ARB2A: variants seen among roughly 807,000 people sequenced by gnomAD.
ARB2A encodes ARB2 cotranscriptional regulator A, also known as cotranscriptional regulator ARB2A.
chr5:94,111,153 T>C, the ARB2A span, among the ~76,000 whole-genome samples: 3 of 152,026 alleles, frequency 2.0e-5, no homozygotes, highest in African/African-American at 7.3e-5. Context: ...TAATACTTTT[T>C]GTAGAAAAAA....
chr5:94,034,109 C>T, the ARB2A span, among the ~76,000 whole-genome samples: 2 of 152,188 alleles, frequency 1.3e-5, no homozygotes, highest in East Asian at 1.9e-4. Context: ...CTTGCACTTC[C>T]CAGCCTCCAG....
chr5:93,740,563 CA>C, the ARB2A span: 2 of 1,578,650 alleles, frequency 1.3e-6, no homozygotes, highest in Non-Finnish European at 1.7e-6. Flanking sequence ...CCGTGAAGGG[CA>C]AGCCCCTCAG....
At chr5:93,799,135 C>T in the ARB2A span, among the ~76,000 whole-genome samples, 1 of 152,098 alleles carries the variant, frequency 6.6e-6, no homozygotes, top group Non-Finnish European at 1.5e-5. Flanking sequence ...ATGAACATCT[C>T]AGTCATATGT....
chr5:94,055,929 T>C, the ARB2A span: 30 of 984,246 alleles, frequency 3.0e-5, no homozygotes, highest in African/African-American at 4.5e-4. Flanking sequence ...TACATCTATA[T>C]ATCACTTTAA....
the ARB2A span, among the ~76,000 whole-genome samples, chr5:93,914,352 T>C: frequency 6.6e-6 from 1 of 151,998 alleles, no homozygotes; most frequent in South Asian, 2.1e-4. Context: ...TGTAAATGTT[T>C]ATAAAGTTTA....
At chr5:93,762,085 A>G in the ARB2A span, among the ~76,000 whole-genome samples, 22 of 152,166 alleles carry the variant, frequency 1.4e-4, no homozygotes, top group African/African-American at 4.1e-4. Flanking sequence ...AGGTAGATAA[A>G]ACCACAAAGA....
chr5:94,005,562 G>T, the ARB2A span, among the ~76,000 whole-genome samples: 1 of 152,038 alleles, frequency 6.6e-6, no homozygotes, highest in Admixed American at 6.6e-5. Flanking sequence ...TTGATTTTTG[G>T]CATTTCAAAT....
the ARB2A span, among the ~76,000 whole-genome samples, chr5:93,703,493 T>C: frequency 6.6e-6 from 1 of 152,188 alleles, no homozygotes; most frequent in Non-Finnish European, 1.5e-5. Flanking sequence ...CTTCACACAT[T>C]TGTGGAAAAA....
At chr5:93,802,651 T>C in the ARB2A span, among the ~76,000 whole-genome samples, 861 of 152,222 alleles carry the variant, frequency 5.7e-3, 7 homozygotes, top group African/African-American at 0.02. Context: ...AAGATTGCTA[T>C]GTGCATTTAA....
the ARB2A span, among the ~76,000 whole-genome samples, chr5:93,654,703 CCTT>C: frequency 6.6e-5 from 10 of 152,182 alleles, no homozygotes; most frequent in South Asian, 2.1e-4. Context: ...TCAAATCCCT[CCTT>C]GTTACCTGCA....
chr5:93,828,042 T>C, the ARB2A span, among the ~76,000 whole-genome samples: 5 of 152,218 alleles, frequency 3.3e-5, no homozygotes, highest in Admixed American at 2.0e-4. Flanking sequence ...CCAGCTTTGT[T>C]CTTTTGGCAT....
chr5:93,705,609 A>ATGTGTGTGTGTGTGTGTGTGTGTG, the ARB2A span, among the ~76,000 whole-genome samples: 1 of 128,740 alleles, frequency 7.8e-6, no homozygotes. Context: ...TTGGGAAAAA[A>ATGTGTGTGTGTGTGTGTGTGTGTG]TGTGTGTGTG....
the ARB2A span, among the ~76,000 whole-genome samples, chr5:93,750,741 G>A: frequency 2.0e-5 from 3 of 151,980 alleles, no homozygotes; most frequent in Non-Finnish European, 2.9e-5. Context: ...TGCCCACGCT[G>A]GTCTCAAATT....
the ARB2A span, among the ~76,000 whole-genome samples, chr5:93,661,816 C>T: frequency 8.3e-3 from 1,266 of 152,156 alleles, 22 homozygotes; most frequent in African/African-American, 0.029. Context: ...AAATGTGTGA[C>T]ACCAAGAGAC....
the ARB2A span, among the ~76,000 whole-genome samples, chr5:93,702,792 A>G: frequency 6.6e-6 from 1 of 152,082 alleles, no homozygotes; most frequent in Admixed American, 6.6e-5. Flanking sequence ...ATTTGCATCC[A>G]TATCTATTAT....
the ARB2A span, among the ~76,000 whole-genome samples, chr5:94,084,492 C>A: frequency 6.6e-6 from 1 of 152,138 alleles, no homozygotes; most frequent in East Asian, 1.9e-4. Context: ...ATATGTAGAT[C>A]TAAGGGAATT....
At chr5:93,923,398 G>T in the ARB2A span, among the ~76,000 whole-genome samples, 1 of 152,026 alleles carries the variant, frequency 6.6e-6, no homozygotes, top group South Asian at 2.1e-4. Context: ...CTTAACTCCT[G>T]CATTTTTAAA....
the ARB2A span, among the ~76,000 whole-genome samples, chr5:94,012,009 C>T: frequency 6.9e-6 from 1 of 145,900 alleles, no homozygotes; most frequent in Non-Finnish European, 1.5e-5. Flanking sequence ...AAAGGGAAAA[C>T]CAGAGACTAG....
chr5:93,830,845 A>G, the ARB2A span, among the ~76,000 whole-genome samples: 62 of 152,092 alleles, frequency 4.1e-4, no homozygotes, highest in Non-Finnish European at 2.8e-4. Context: ...CTATTGTAAT[A>G]TATAATGACA....
Sources: allele counts gnomAD v4.1 joint callset (sites outside exome capture counted in the v4.1 genomes callset), GRCh38; gene constraint gnomAD v4.1.1; transcripts MANE v1.5; gene names NCBI Gene and HGNC (gene_info 2026-07-23, HGNC 2026-07-21).